TRIP11: variants seen among roughly 807,000 people sequenced by gnomAD.
The protein encoded by TRIP11 is thyroid hormone receptor interactor 11, also known as thyroid receptor-interacting protein 11.
Under a neutral mutation model 223.1 loss-of-function variants are expected in TRIP11, and 148 were observed. The ratio of observed to expected loss-of-function variants is 0.66; its 90% CI spans 0.58 to 0.76. The LOEUF (loss-of-function observed/expected upper bound fraction) is 0.76. Ranked by LOEUF, TRIP11 falls within the 30% of genes least tolerant of loss-of-function variation. TRIP11 has a pLI of 0.00. For missense variants in TRIP11, 2,043 were observed against 2,222.0 expected, an observed-to-expected ratio of 0.92 and a Z score of 1.62; for synonymous variants, 762 against 772.6, an observed-to-expected ratio of 0.99 and a Z score of 0.23.
intron 7 of TRIP11, among the ~76,000 whole-genome samples, chr14:92,012,310 C>CA: frequency 6.6e-6 from 1 of 151,994 alleles, no homozygotes; most frequent in South Asian, 2.1e-4. Flanking sequence ...AGAGGGTACA[C>CA]AAAAAAACAC....
chr14:92,021,473 T>G, intron 4 of TRIP11, 83 bp downstream of exon 4: 1 of 1,394,606 alleles, frequency 7.2e-7, no homozygotes, highest in South Asian at 1.2e-5. Context: ...CTTTCTGATA[T>G]CAAAAGCTCT....
intron 4 of TRIP11, among the ~76,000 whole-genome samples, chr14:92,020,440 A>C (rs568757054): frequency 1.1e-4 from 17 of 152,258 alleles, no homozygotes; most frequent in African/African-American, 3.1e-4. Flanking sequence ...GTGCATGAGA[A>C]ACAACACAAA....
intron 6 of TRIP11, among the ~76,000 whole-genome samples, chr14:92,015,450 C>T (rs1174098305): frequency 6.6e-6 from 1 of 151,858 alleles, no homozygotes; most frequent in African/African-American, 2.4e-5. Context: ...CCCGAGATCA[C>T]GAGTTTGGGA....
At chr14:91,980,794 T>C (rs2056528493) in intron 16 of TRIP11, among the ~76,000 whole-genome samples, 1 of 151,684 alleles carries the variant, frequency 6.6e-6, no homozygotes, top group Non-Finnish European at 1.5e-5. Flanking sequence ...AATAAATAAA[T>C]TGCATCTGGT....
chr14:91,988,488 C>G, intron 15 of TRIP11, 105 bp from the exon 16 acceptor site: 1 of 986,550 alleles, frequency 1.0e-6, no homozygotes, highest in South Asian at 1.4e-5. Flanking sequence ...GCTGGTGAAG[C>G]TGCACCTCTA....
chr14:91,969,783 C>A lies in TRIP11; in HGVS notation c.5830G>T (p.Gly1944Trp), dbSNP rs779711976. ...GAGATGGGTTTCAGAAGAAGATGCC[C>A]GGGCCCACCAGGTCCAAGTCCAGCT... ...NPAGLGPGGP[G>W]HLLLKPISDV... is the part of the protein sequence containing the mutation. The change falls in exon 21 of 21, where the codon GGG (glycine) becomes TGG (tryptophan). Residue 1944 changes from glycine to tryptophan, a missense_variant. Physicochemically the swap from Gly to Trp is radical, Grantham distance 184 (BLOSUM62 -2). Transcript: ENST00000267622. The A allele has an allele frequency of 2.3e-5, 37 of 1,614,086 alleles. No homozygotes were observed. The South Asian group carries it at 4.1e-4, about 18-fold the overall frequency.
In TRIP11 at chr14:92,039,645, T is replaced by C. The variant is rs760522108; in HGVS notation, c.41A>G (p.Gln14Arg). 1.2e-6 allele frequency: 2 copies of C among 1,612,700 alleles called. No individual in the cohort carries two copies. The highest frequency in any genetic ancestry group is 1.7e-6 in the Non-Finnish European group (2 of 1,179,476). Residue 14 changes from glutamine to arginine, a missense_variant, in exon 1 of 21, where the codon CAG becomes CGG. By Grantham distance (43) the Gln-to-Arg change is conservative. Transcript: ENST00000267622. The stretch of plus-strand genomic sequence containing the variant: ...GCTGCCCCCGACTTGACCCAGAGAC[T>C]GGCCCAATCCGGAGCCGAGGCCCCC... Reference protein sequence around the residue: ...WLGGLGSGLGQSLGQVGGSLA... With the variant: ...WLGGLGSGLGRSLGQVGGSLA...
chr14:92,011,914 A>T, intron 7 of TRIP11, 119 bp from the exon 8 acceptor site: 1 of 832,894 alleles, frequency 1.2e-6, no homozygotes, highest in Non-Finnish European at 2.0e-6. Flanking sequence ...GGCAAGCAGT[A>T]ACAGTTCTGA....
intron 3 of TRIP11, among the ~76,000 whole-genome samples, chr14:92,022,639 A>G (rs1473852825): frequency 5.3e-5 from 8 of 152,194 alleles, no homozygotes; most frequent in African/African-American, 1.9e-4. Context: ...AAAACACAAA[A>G]TCAAACAATA....
intron 2 of TRIP11, among the ~76,000 whole-genome samples, chr14:92,031,883 G>C (rs1196903210): frequency 6.6e-6 from 1 of 152,116 alleles, no homozygotes; most frequent in Non-Finnish European, 1.5e-5. Flanking sequence ...CAGGATCACA[G>C]CTCACCGCAG....
chr14:91,979,995 G>A (rs1000189547), intron 16 of TRIP11, among the ~76,000 whole-genome samples: 1 of 142,900 alleles, frequency 7.0e-6, no homozygotes, highest in Non-Finnish European at 1.5e-5. Context: ...AAAAAAAAAG[G>A]TGGAGGGGGG....
Position 92,015,835 on chromosome 14 carries a change from T to C in TRIP11, c.684A>G (p.Glu228=). The change falls in exon 6 of 21, where the codon GAA becomes GAG. Residue 228 remains glutamate, a synonymous_variant. Transcript: ENST00000267622. ...ACATTTCATGTTGATGGTCATCAATTTCCTGACTTCGGTTCTGTTTTAGTT... is the reference window on the plus strand; with the variant it reads ...ACATTTCATGTTGATGGTCATCAATCTCCTGACTTCGGTTCTGTTTTAGTT... The part of the protein sequence containing the change: ...IKELKQNRSQ[E]IDDHQHEMSV... 6.2e-7 allele frequency: 1 copy of C among 1,612,480 alleles called. No homozygotes were observed. The highest frequency in any genetic ancestry group is 8.5e-7 in the Non-Finnish European group (1 of 1,179,708).
At position 92,038,512 on chromosome 14, in the gene TRIP11, TCTTC is replaced by T. The variant is rs921651441; in HGVS notation, c.139+1031_139+1034del. Among the ~76,000 whole-genome samples, 19 of 152,300 alleles carry T rather than the reference TCTTC, an allele frequency of 1.2e-4. No homozygotes were observed. The South Asian group carries it at 2.3e-3, about 18-fold the overall frequency. On this transcript the variant is annotated intron_variant, in intron 1 of 20. Coordinates refer to ENST00000267622, the MANE Select transcript of TRIP11 (RefSeq NM_004239.4). ...GGATTTCGGTAGCTCCCCAGTCTAT[TCTTC>T]CTTCCATCTAAATAGACCCCACAGA... is the stretch of plus-strand genomic sequence containing the variant.
At chr14:91,985,358 A>G (rs1238835235) in intron 16 of TRIP11, among the ~76,000 whole-genome samples, 1 of 152,186 alleles carries the variant, frequency 6.6e-6, no homozygotes, top group African/African-American at 2.4e-5. Flanking sequence ...CTGTCTTCAT[A>G]CTTTTCACAC....
rs11848545 is a variant in TRIP11 at position 91,968,119 on chromosome 14, A to G, written c.*1554T>C. The G allele has an allele frequency of 9.9e-6, 2 of 202,414 alleles. No homozygotes were observed. The highest frequency in any genetic ancestry group is 4.6e-5 in the African/African-American group (2 of 43,614). 12.5% of individuals were successfully genotyped at this position (202,414 alleles called of 1,614,324 possible). ...TTAGAAAGTACAGTTAATCACAGTA[A>G]AACTTGCAAATAACCAAATTTAGTT... On this transcript the variant is annotated 3_prime_UTR_variant, in exon 21 of 21. Coordinates refer to ENST00000267622, the MANE Select transcript of TRIP11 (RefSeq NM_004239.4).
At chr14:91,997,090 T>C (rs927462424) in intron 13 of TRIP11, among the ~76,000 whole-genome samples, 3 of 152,162 alleles carry the variant, frequency 2.0e-5, no homozygotes, top group Non-Finnish European at 4.4e-5. Flanking sequence ...AATCAGAAGA[T>C]CTAAATTCAG....
chr14:92,020,191 G>T (rs1194436457), intron 4 of TRIP11, among the ~76,000 whole-genome samples: 2 of 151,936 alleles, frequency 1.3e-5, no homozygotes, highest in African/African-American at 2.4e-5. Context: ...GGCAGAGGTT[G>T]CAGTGAGCTG....
At chr14:92,013,689 A>G (rs1393709548) in intron 7 of TRIP11, among the ~76,000 whole-genome samples, 1 of 152,262 alleles carries the variant, frequency 6.6e-6, no homozygotes, top group Non-Finnish European at 1.5e-5. Context: ...TATTAGTCTT[A>G]TGTAAGTAAA....
intron 5 of TRIP11, among the ~76,000 whole-genome samples, chr14:92,017,223 A>G (rs1178508986): frequency 1.3e-5 from 2 of 152,116 alleles, no homozygotes; most frequent in Non-Finnish European, 2.9e-5. Flanking sequence ...ACTTTACATA[A>G]ATAATAAAGA....
Sources: gnomAD v4.1 joint callset for allele counts (sites outside exome capture counted in the v4.1 genomes callset) on GRCh38, gnomAD v4.1.1 for gene constraint, MANE v1.5 for transcripts, NCBI Gene and HGNC (gene_info 2026-07-23, HGNC 2026-07-21) for gene names.